AFF3: variants seen among roughly 807,000 people sequenced by gnomAD.
The protein encoded by AFF3 is ALF transcription elongation factor 3.
AFF3 carries 32 observed loss-of-function variants against 129.7 expected under a neutral mutation model. The observed-to-expected ratio is 0.25, with a 90% CI of 0.19 to 0.33. The LOEUF is 0.33. AFF3 is among the 10% of genes least tolerant of loss of function. The pLI, the probability that AFF3 is intolerant of heterozygous loss-of-function variation, is 1.00. For missense variants in AFF3, 1,373 were observed against 1,592.0 expected (o/e 0.86, Z 2.34); for synonymous variants, 644 against 635.4 (o/e 1.01, Z -0.20).
At chr2:99,978,331 T>G (rs1679077386) in intron 7 of AFF3, among the ~76,000 whole-genome samples, 2 of 151,342 alleles carry the variant, frequency 1.3e-5, no homozygotes, top group Non-Finnish European at 1.5e-5. Context: ...AAGATGCTAA[T>G]AAGCTCAATA....
chr2:99,974,130 A>C (rs557106692), intron 7 of AFF3, among the ~76,000 whole-genome samples: 3 of 152,360 alleles, frequency 2.0e-5, no homozygotes, highest in African/African-American at 7.2e-5. Flanking sequence ...TTGTCATGTA[A>C]AATGTAGACG....
At chr2:99,956,442 G>A (rs1676656879) in intron 7 of AFF3, among the ~76,000 whole-genome samples, 1 of 151,504 alleles carries the variant, frequency 6.6e-6, no homozygotes, top group Admixed American at 6.6e-5. Context: ...TGAAGTTGGA[G>A]GGGGGGGCTG....
intron 8 of AFF3, among the ~76,000 whole-genome samples, chr2:99,809,651 C>T (rs931908186): frequency 1.1e-4 from 17 of 152,146 alleles, no homozygotes; most frequent in African/African-American, 4.1e-4. Context: ...CCATTTAGTG[C>T]CCATGGAGCA....
intron 4 of AFF3, among the ~76,000 whole-genome samples, chr2:100,082,907 C>T (rs1400895504): frequency 1.3e-5 from 2 of 151,972 alleles, no homozygotes; most frequent in Admixed American, 1.3e-4. Flanking sequence ...ATGGAAAAAC[C>T]CCATCTCTAC....
At chr2:99,983,653 C>T (rs1347692750) in intron 7 of AFF3, among the ~76,000 whole-genome samples, 3 of 152,118 alleles carry the variant, frequency 2.0e-5, no homozygotes, top group Non-Finnish European at 4.4e-5. Context: ...ACATAATGAT[C>T]TGGGCAATCT....
At position 99,706,995 on chromosome 2, in the gene AFF3, T is replaced by A. The variant is rs542959271; in HGVS notation, c.1091+20082A>T. The A allele has an allele frequency of 2.0e-5, 13 of 656,160 alleles. No individual in the cohort carries two copies. The East Asian group carries it at 1.8e-3, about 90-fold the overall frequency. The allele number at this position is 656,160 out of a possible 1,614,324, so 40.6% of individuals were successfully genotyped here. ...TCTCCTCTTTTATAGGACATTCACA[T>A]TTGCATATTCAGCAGACAGCACAAG... On this transcript the variant is annotated intron_variant, in intron 11 of 24. Coordinates refer to ENST00000672756, the MANE Select transcript of AFF3 (RefSeq NM_001386135.1).
At chr2:100,107,929 C>A (rs924918004) in intron 2 of AFF3, among the ~76,000 whole-genome samples, 1 of 152,138 alleles carries the variant, frequency 6.6e-6, no homozygotes, top group African/African-American at 2.4e-5. Flanking sequence ...ATTTTTGTAA[C>A]CAAGTGGGAT....
chr2:100,047,475 C>G (rs888382223), intron 4 of AFF3, among the ~76,000 whole-genome samples: 1 of 152,146 alleles, frequency 6.6e-6, no homozygotes, highest in Non-Finnish European at 1.5e-5. Flanking sequence ...CAACACAGAC[C>G]CCGTCCTTAT....
intron 8 of AFF3, among the ~76,000 whole-genome samples, chr2:99,806,698 C>T (rs1297770892): frequency 6.6e-6 from 1 of 152,104 alleles, no homozygotes; most frequent in Non-Finnish European, 1.5e-5. Flanking sequence ...TGTCTCCACG[C>T]CCCCACCCTC....
At chr2:99,938,422 G>A (rs1674720824) in intron 7 of AFF3, among the ~76,000 whole-genome samples, 1 of 151,306 alleles carries the variant, frequency 6.6e-6, no homozygotes, top group Non-Finnish European at 1.5e-5. Context: ...AATAGTACAT[G>A]ACACACAGTC....
At chr2:99,834,751 AC>A (rs1335740559) in intron 8 of AFF3, among the ~76,000 whole-genome samples, 1 of 151,990 alleles carries the variant, frequency 6.6e-6, no homozygotes, top group Non-Finnish European at 1.5e-5. Flanking sequence ...TTTTCCCTTC[AC>A]TTTTCTTGTC....
intron 1 of AFF3, among the ~76,000 whole-genome samples, chr2:100,140,769 G>T (rs1692831357): frequency 6.6e-6 from 1 of 152,154 alleles, no homozygotes; most frequent in Non-Finnish European, 1.5e-5. Context: ...CCTCTCACAA[G>T]CAGGCCTCAT....
intron 7 of AFF3, among the ~76,000 whole-genome samples, chr2:99,864,676 T>C (rs1691247251): frequency 1.3e-5 from 2 of 152,134 alleles, no homozygotes; most frequent in African/African-American, 4.8e-5. Context: ...CAATGAGCAA[T>C]GAGAAGCTGA....
At position 99,587,248 on chromosome 2, in the gene AFF3, T is replaced by C. The variant is rs766957717; in HGVS notation, c.2497A>G (p.Lys833Glu). The change falls in exon 16 of 25, where the codon AAG becomes GAG. Residue 833 changes from lysine (K) to glutamate (E), a missense_variant. Physicochemically the swap from Lys to Glu is moderately conservative, Grantham distance 56 (BLOSUM62 1). Around this residue, in one of 9 missense-constraint regions of AFF3, gnomAD observed 466 missense variants for 505.0 expected, o/e 0.92. Transcript: ENST00000672756. Reference sequence around the variant, plus strand: ...CTGTCTTTCTCTCCCTGGGACTTCTTGATCTCCCTGTAGTCGTCTTCGTTG... The same window carrying C: ...CTGTCTTTCTCTCCCTGGGACTTCTCGATCTCCCTGTAGTCGTCTTCGTTG... Reference protein sequence around the residue: ...CDNEDDYREIKKSQGEKDSSS... With the variant: ...CDNEDDYREIEKSQGEKDSSS... 1.1e-5 allele frequency: 18 copies of C among 1,614,186 alleles called. No homozygotes were observed. Among genetic ancestry groups the C allele is most frequent in the Non-Finnish European group, 1.5e-5 (18 of 1,180,002 alleles).
chr2:99,720,582 A>G (rs983152084), intron 11 of AFF3, among the ~76,000 whole-genome samples: 2 of 152,170 alleles, frequency 1.3e-5, no homozygotes, highest in Non-Finnish European at 2.9e-5. Context: ...AGGATCAGGT[A>G]TTCTGTAATA....
chr2:99,827,091 A>C (rs932580672), intron 8 of AFF3, among the ~76,000 whole-genome samples: 1 of 152,164 alleles, frequency 6.6e-6, no homozygotes, highest in Admixed American at 6.5e-5. Context: ...GAGGTGTGAG[A>C]TGAGTTAAGG....
At chr2:99,599,794 A>G (rs1250320477) in intron 14 of AFF3, among the ~76,000 whole-genome samples, 1 of 152,190 alleles carries the variant, frequency 6.6e-6, no homozygotes, top group African/African-American at 2.4e-5. Context: ...ATTTCTCCAC[A>G]AAGTATAGCA....
intron 9 of AFF3, 109 bp downstream of exon 9, chr2:99,752,112 C>G: frequency 1.0e-6 from 1 of 992,076 alleles, no homozygotes; most frequent in Admixed American, 2.1e-5. Context: ...TCACGTGCCT[C>G]TGGCAGGAAT....
At chr2:100,076,116 C>T (rs1224395165) in intron 4 of AFF3, among the ~76,000 whole-genome samples, 2 of 152,138 alleles carry the variant, frequency 1.3e-5, no homozygotes, top group East Asian at 1.9e-4. Flanking sequence ...TGAATGTCTA[C>T]GTCAAATCAG....
Sources: allele counts gnomAD v4.1 joint callset (sites outside exome capture counted in the v4.1 genomes callset), GRCh38; gene constraint gnomAD v4.1.1; regional missense constraint gnomAD v4.1.1; transcripts MANE v1.5; gene names NCBI Gene and HGNC (gene_info 2026-07-23, HGNC 2026-07-21).